Variants in ROBO1 observed in about 807,000 individuals in gnomAD.
ROBO1 encodes roundabout homolog 1.
Under a neutral mutation model 195.9 loss-of-function variants are expected in ROBO1, and 149 were observed. That is an observed-to-expected ratio of 0.76 (90% confidence interval 0.67 to 0.87). The LOEUF (loss-of-function observed/expected upper bound fraction) is 0.87, where lower values mean the gene tolerates loss of function less well. ROBO1 is among the 40% of genes least tolerant of loss of function. ROBO1 has a pLI of 0.00. For missense variants in ROBO1, 1,933 were observed against 2,068.3 expected (o/e 0.93, Z 1.27); for synonymous variants, 816 against 733.2 (o/e 1.11, Z -1.82).
chr3:78,636,584 T>G (rs1705515477), intron 22 of ROBO1, among the ~76,000 whole-genome samples: 1 of 152,170 alleles, frequency 6.6e-6, no homozygotes, highest in African/African-American at 2.4e-5. Flanking sequence ...CTTGAGATTT[T>G]GGTATTTTAT....
chr3:79,561,753 G>T (rs943309373), intron 2 of ROBO1, among the ~76,000 whole-genome samples: 2 of 152,104 alleles, frequency 1.3e-5, no homozygotes, highest in African/African-American at 4.8e-5. Flanking sequence ...CAGCACTATG[G>T]ATAAAGAGAA....
At chr3:79,560,558 T>TATATATATATAGATATATATATAC in intron 2 of ROBO1, among the ~76,000 whole-genome samples, 1 of 129,702 alleles carries the variant, frequency 7.7e-6, no homozygotes, top group Non-Finnish European at 1.6e-5. Context: ...TATATATATA[T>TATATATATATAGATATATATATAC]ACACATACAC....
At chr3:78,811,097 CT>C (rs1271766060) in intron 4 of ROBO1, among the ~76,000 whole-genome samples, 3 of 152,072 alleles carry the variant, frequency 2.0e-5, no homozygotes, top group Non-Finnish European at 2.9e-5. Flanking sequence ...TTTTTAAGGA[CT>C]GTTCTCGGTC....
chr3:78,646,826 G>A (rs1480695424), intron 20 of ROBO1, among the ~76,000 whole-genome samples: 1 of 151,898 alleles, frequency 6.6e-6, no homozygotes, highest in Non-Finnish European at 1.5e-5. Context: ...GCTCTTGAAA[G>A]CATCCTCAGC....
Position 78,953,644 on chromosome 3 carries a change from G to T in ROBO1, c.173-14717C>A, listed in dbSNP as rs117256724. ...GAATCAAAGGAAGAAACAGCGTGAG[G>T]GTAGAGGGACATAAACTACTGTAAC... On this transcript the variant is annotated intron_variant, in intron 3 of 30. Coordinates refer to ENST00000464233, the MANE Select transcript of ROBO1 (RefSeq NM_002941.4). Among the ~76,000 whole-genome samples, 206 of 152,072 alleles carry T rather than the reference G, an allele frequency of 1.4e-3. 1 individual carries two copies. In the East Asian group the frequency reaches 0.031, roughly 23 times the overall value.
At chr3:78,718,987 A>C (rs1322710662) in intron 5 of ROBO1, among the ~76,000 whole-genome samples, 1 of 152,228 alleles carries the variant, frequency 6.6e-6, no homozygotes, top group Non-Finnish European at 1.5e-5. Flanking sequence ...AGGTCCCCTC[A>C]CAGTTTTGAA....
At chr3:79,198,619 T>C (rs2081691862) in intron 2 of ROBO1, among the ~76,000 whole-genome samples, 1 of 152,126 alleles carries the variant, frequency 6.6e-6, no homozygotes, top group Non-Finnish European at 1.5e-5. Flanking sequence ...ATCTATAAAT[T>C]ACTTTGGGCA....
At chr3:78,875,469 T>C (rs1174555216) in intron 4 of ROBO1, among the ~76,000 whole-genome samples, 1 of 151,874 alleles carries the variant, frequency 6.6e-6, no homozygotes, top group East Asian at 1.9e-4. Context: ...ATAGATAAAA[T>C]GTAAATTGAA....
At chr3:78,748,633 A>G (rs2082715953) in intron 4 of ROBO1, among the ~76,000 whole-genome samples, 1 of 151,892 alleles carries the variant, frequency 6.6e-6, no homozygotes, top group Non-Finnish European at 1.5e-5. Flanking sequence ...TTCAAAAATC[A>G]CTCTTAAACT....
intron 4 of ROBO1, among the ~76,000 whole-genome samples, chr3:78,872,803 T>C (rs2107163146): frequency 6.6e-6 from 1 of 152,256 alleles, no homozygotes; most frequent in African/African-American, 2.4e-5. Flanking sequence ...AGCTTGAGTA[T>C]AAGAGTTACA....
At chr3:78,702,498 T>C (rs1401215645) in intron 8 of ROBO1, among the ~76,000 whole-genome samples, 1 of 152,218 alleles carries the variant, frequency 6.6e-6, no homozygotes, top group East Asian at 1.9e-4. Flanking sequence ...CTTTTTCACA[T>C]TGAATGATAC....
At chr3:79,764,218 G>A (rs193028056) in intron 1 of ROBO1, among the ~76,000 whole-genome samples, 2 of 152,218 alleles carry the variant, frequency 1.3e-5, no homozygotes, top group Non-Finnish European at 2.9e-5. Flanking sequence ...TTTTGAATTA[G>A]TCAGTTAGCC....
At chr3:79,047,307 C>T (rs1002824287) in intron 3 of ROBO1, among the ~76,000 whole-genome samples, 1 of 151,194 alleles carries the variant, frequency 6.6e-6, no homozygotes, top group Non-Finnish European at 1.5e-5. Flanking sequence ...AAAGGTACTG[C>T]TTGTTTTTTC....
At chr3:78,652,256 G>GA (rs1706711357) in intron 18 of ROBO1, among the ~76,000 whole-genome samples, 1 of 151,934 alleles carries the variant, frequency 6.6e-6, no homozygotes, top group Admixed American at 6.6e-5. Context: ...TGCTAACTGA[G>GA]AAAAATACAA....
chr3:79,186,387 T>C (rs928624522), intron 2 of ROBO1, among the ~76,000 whole-genome samples: 4 of 151,996 alleles, frequency 2.6e-5, no homozygotes, highest in African/African-American at 7.2e-5. Flanking sequence ...TAGACATGTA[T>C]ATATACATGT....
intron 3 of ROBO1, among the ~76,000 whole-genome samples, chr3:79,103,847 G>A (rs752634418): frequency 1.5e-4 from 23 of 151,822 alleles, no homozygotes; most frequent in Non-Finnish European, 2.7e-4. Flanking sequence ...ATTATTTGTT[G>A]ATTTTATATA....
intron 2 of ROBO1, among the ~76,000 whole-genome samples, chr3:79,517,390 G>A (rs1433003415): frequency 6.6e-6 from 1 of 152,178 alleles, no homozygotes; most frequent in Non-Finnish European, 1.5e-5. Flanking sequence ...CTTTGGGTGT[G>A]AGGAGAACTT....
chr3:79,746,821 C>G (rs892182554), intron 1 of ROBO1, among the ~76,000 whole-genome samples: 1 of 151,996 alleles, frequency 6.6e-6, no homozygotes, highest in African/African-American at 2.4e-5. Flanking sequence ...ACATTTGTTG[C>G]TGTGATAGCT....
intron 4 of ROBO1, among the ~76,000 whole-genome samples, chr3:78,897,424 A>G (rs1430877746): frequency 6.6e-6 from 1 of 152,202 alleles, no homozygotes; most frequent in African/African-American, 2.4e-5. Context: ...AATCGCTCTT[A>G]TATATCCCTA....
Sources: gnomAD v4.1 joint callset for allele counts (sites outside exome capture counted in the v4.1 genomes callset) on GRCh38, gnomAD v4.1.1 for gene constraint, MANE v1.5 for transcripts, NCBI Gene and HGNC (gene_info 2026-07-23, HGNC 2026-07-21) for gene names.